The following B3GLCT variants were observed in gnomAD, a reference collection of about 807,000 sequenced individuals.
B3GLCT encodes beta-1,3-glucosyltransferase.
B3GLCT carries 65 observed loss-of-function variants against 63.4 expected under a neutral mutation model. The ratio of observed to expected loss-of-function variants is 1.03; its 90% CI spans 0.84 to 1.26. The LOEUF (loss-of-function observed/expected upper bound fraction) is 1.26, where lower values mean the gene tolerates loss of function less well. B3GLCT is among the 50% of genes most tolerant of loss of function. The pLI is 0.00. For synonymous variants in B3GLCT, 233 were observed against 219.2 expected (o/e 1.06, Z -0.55); for missense variants, 577 against 604.8 (o/e 0.95, Z 0.48).
At position 31,224,997 on chromosome 13, in the gene B3GLCT, C is replaced by T. The variant is rs543423767; in HGVS notation, c.160+2006C>T. Among the ~76,000 whole-genome samples the T allele has an allele frequency of 4.6e-4, 70 of 152,308 alleles. No individual in the cohort carries two copies. The South Asian group carries it at 5.2e-3, about 11-fold the overall frequency. ...TAGAAGAATCATTGCTCTTCAGCAT[C>T]CATTTTCTAACTATCTCTCTGTCCT... is the stretch of plus-strand genomic sequence containing the variant. On this transcript the variant is annotated intron_variant, in intron 3 of 14. Coordinates refer to ENST00000343307, the MANE Select transcript of B3GLCT (RefSeq NM_194318.4).
chr13:31,213,624 C>CCCCCCCCCCCCCCCA (rs1555244560), intron 1 of B3GLCT, among the ~76,000 whole-genome samples: 2 of 73,024 alleles, frequency 2.7e-5, no homozygotes, highest in Non-Finnish European at 6.1e-5. Context: ...CCACCCCACC[C>CCCCCCCCCCCCCCCA]CCCCCCCCCG....
At chr13:31,271,127 CT>C (rs1305281830) in intron 8 of B3GLCT, among the ~76,000 whole-genome samples, 1 of 152,252 alleles carries the variant, frequency 6.6e-6, no homozygotes, top group Non-Finnish European at 1.5e-5. Flanking sequence ...GGCAAACCCC[CT>C]GTGCAGGTTC....
rs376879857 is a variant in B3GLCT, at chr13:31,216,244, T to A, written c.120+1144T>A. On this transcript the variant is annotated intron_variant, in intron 2 of 14. Coordinates refer to ENST00000343307, the MANE Select transcript of B3GLCT (RefSeq NM_194318.4). ...TAATTTCTTACGATTTTAGGACCTT[T>A]TATGATTAATAAAGCATTTCACACA... Among the ~76,000 whole-genome samples the A allele has an allele frequency of 9.2e-5, 14 of 152,344 alleles. No homozygotes were observed. In the East Asian group the frequency reaches 2.5e-3, roughly 27 times the overall value.
chr13:31,228,692 C>T (rs1870222886), intron 3 of B3GLCT, among the ~76,000 whole-genome samples: 1 of 152,182 alleles, frequency 6.6e-6, no homozygotes, highest in African/African-American at 2.4e-5. Context: ...ACTTGATTAC[C>T]TCTGTGAAGA....
intron 5 of B3GLCT, among the ~76,000 whole-genome samples, chr13:31,247,305 A>G (rs934765068): frequency 4.6e-5 from 7 of 151,932 alleles, no homozygotes; most frequent in African/African-American, 1.7e-4. Flanking sequence ...TTTTGGAGAC[A>G]GAGTCTCGCT....
intron 4 of B3GLCT, among the ~76,000 whole-genome samples, chr13:31,245,105 A>G (rs553915683): frequency 6.6e-6 from 1 of 152,182 alleles, no homozygotes; most frequent in African/African-American, 2.4e-5. Flanking sequence ...GATAATCCAT[A>G]GAGTTTATTT....
chr13:31,272,796 A>T (rs1442750315), intron 8 of B3GLCT, among the ~76,000 whole-genome samples: 1 of 152,104 alleles, frequency 6.6e-6, no homozygotes, highest in Non-Finnish European at 1.5e-5. Context: ...AAACTTAGAT[A>T]TTGTCATTAT....
intron 4 of B3GLCT, among the ~76,000 whole-genome samples, chr13:31,235,096 C>T (rs1019328530): frequency 6.6e-6 from 1 of 151,842 alleles, no homozygotes; most frequent in Non-Finnish European, 1.5e-5. Context: ...CTGGGGGTGG[C>T]GTAGGGGTGC....
intron 1 of B3GLCT, among the ~76,000 whole-genome samples, chr13:31,214,049 A>G (rs1397723308): frequency 6.6e-6 from 1 of 152,088 alleles, no homozygotes; most frequent in Non-Finnish European, 1.5e-5. Flanking sequence ...ATGGGGAGGG[A>G]TTAGAAGGGA....
chr13:31,247,032 A>G lies in B3GLCT; in HGVS notation c.280A>G (p.Ser94Gly). 6.2e-7 allele frequency: 1 copy of G among 1,606,878 alleles called. No individual in the cohort carries two copies. Among genetic ancestry groups the G allele is most frequent in the Non-Finnish European group, 8.5e-7 (1 of 1,177,968 alleles). Reference protein sequence around the residue: ...QAADLTQELPSVLLLHQLAKQ... With the variant: ...QAADLTQELPGVLLLHQLAKQ... Reference sequence around the variant, plus strand: ...ATCATTGTTTTCTCAGGAGCTCCCCAGTGTCCTCCTCCTTCATCAGCTGGC... The same window carrying G: ...ATCATTGTTTTCTCAGGAGCTCCCCGGTGTCCTCCTCCTTCATCAGCTGGC... The change falls in exon 5 of 15, where the codon AGT (serine) becomes GGT (glycine). Residue 94 changes from serine to glycine, a missense_variant. By Grantham distance (56) the Ser-to-Gly change is moderately conservative. Transcript: ENST00000343307.
intron 7 of B3GLCT, among the ~76,000 whole-genome samples, chr13:31,264,954 A>G (rs1481345999): frequency 6.6e-6 from 1 of 152,194 alleles, no homozygotes; most frequent in Non-Finnish European, 1.5e-5. Context: ...TTGAGGACCC[A>G]CACTTTCTCT....
At chr13:31,294,196 C>T (rs1873819792) in intron 12 of B3GLCT, among the ~76,000 whole-genome samples, 1 of 152,224 alleles carries the variant, frequency 6.6e-6, no homozygotes, top group African/African-American at 2.4e-5. Context: ...GTCTGATGGA[C>T]TTCCCTTTGT....
intron 6 of B3GLCT, among the ~76,000 whole-genome samples, chr13:31,258,474 C>T (rs888981290): frequency 1.3e-5 from 2 of 152,102 alleles, no homozygotes; most frequent in Admixed American, 1.3e-4. Flanking sequence ...CATCTCCTGC[C>T]TTGACCATTA....
chr13:31,286,168 A>G (rs1386635571), intron 11 of B3GLCT, among the ~76,000 whole-genome samples: 1 of 152,172 alleles, frequency 6.6e-6, no homozygotes, highest in Non-Finnish European at 1.5e-5. Flanking sequence ...TATCTGAAGG[A>G]CTGTTACTCT....
At chr13:31,239,955 A>G (rs1467720053) in intron 4 of B3GLCT, among the ~76,000 whole-genome samples, 4 of 152,326 alleles carry the variant, frequency 2.6e-5, no homozygotes, top group Middle Eastern at 3.4e-3. Flanking sequence ...GCACAAGGCC[A>G]GGGTCTTGCT....
intron 14 of B3GLCT, among the ~76,000 whole-genome samples, chr13:31,325,342 C>A (rs939232522): frequency 3.3e-5 from 5 of 152,104 alleles, no homozygotes; most frequent in African/African-American, 1.2e-4. Flanking sequence ...TCTGCGGTTC[C>A]CTCTCTTGCT....
intron 4 of B3GLCT, among the ~76,000 whole-genome samples, chr13:31,239,695 T>C (rs941893414): frequency 6.6e-6 from 1 of 151,966 alleles, no homozygotes; most frequent in Non-Finnish European, 1.5e-5. Context: ...TTTTTTTTTT[T>C]TTTTCCTTCT....
At chr13:31,317,530 A>C in intron 12 of B3GLCT, 36 bp from the exon 13 acceptor site, 1 of 1,613,226 alleles carries the variant, frequency 6.2e-7, no homozygotes, top group East Asian at 2.2e-5. Flanking sequence ...CGTTTGAATC[A>C]AATAATCATG....
chr13:31,231,030 C>CT (rs1044202212), intron 4 of B3GLCT, among the ~76,000 whole-genome samples: 2 of 151,444 alleles, frequency 1.3e-5, no homozygotes, highest in African/African-American at 4.9e-5. Context: ...ATTTTTTTTT[C>CT]TTTTTTTTGG....
Sources: gnomAD v4.1 joint callset for allele counts (sites outside exome capture counted in the v4.1 genomes callset) on GRCh38, gnomAD v4.1.1 for gene constraint, MANE v1.5 for transcripts, NCBI Gene and HGNC (gene_info 2026-07-23, HGNC 2026-07-21) for gene names.